Variants in TLCD3B observed in about 807,000 individuals in gnomAD.
The protein encoded by TLCD3B is ceramide synthase.
TLCD3B carries 9 observed loss-of-function variants against 23.0 expected under a neutral mutation model. The ratio of observed to expected loss-of-function variants is 0.39; its 90% CI spans 0.24 to 0.68. The LOEUF (loss-of-function observed/expected upper bound fraction) is 0.68, where lower values mean the gene tolerates loss of function less well. Among genes scored for constraint, TLCD3B ranks in the 30% least tolerant of loss-of-function variants. The pLI, the probability that TLCD3B is intolerant of heterozygous loss-of-function variation, is 0.44. For missense variants in TLCD3B, 307 were observed against 371.8 expected (o/e 0.83, Z 1.43); for synonymous variants, 161 against 161.0 (o/e 1.00, Z 0.00).
chr16:30,024,980 G>T lies in TLCD3B; in HGVS notation c.*203C>A. The T allele has an allele frequency of 2.0e-6, 1 of 510,406 alleles. No individual in the cohort carries two copies. The highest frequency in any genetic ancestry group is 3.8e-5 in the Admixed American group (1 of 26,320). 31.6% of individuals were successfully genotyped at this position (510,406 alleles called of 1,614,324 possible). Reference sequence around the variant, plus strand: ...CCTCCTCCAGCGCAAGGGTGTGCAGGAAGGGGGCAGAGTAGGGGGAAGAGG... The same window carrying T: ...CCTCCTCCAGCGCAAGGGTGTGCAGTAAGGGGGCAGAGTAGGGGGAAGAGG... On this transcript the variant is annotated 3_prime_UTR_variant, in exon 5 of 5. Coordinates refer to ENST00000380495, the MANE Select transcript of TLCD3B (RefSeq NM_031478.6).
At chr16:30,047,186 T>C (rs576781599) in intron 1 of TLCD3B, among the ~76,000 whole-genome samples, 1 of 152,150 alleles carries the variant, frequency 6.6e-6, no homozygotes, top group South Asian at 2.1e-4. Flanking sequence ...TCTATCTATC[T>C]ATCTATCTAG....
At position 30,026,669 on chromosome 16, in the gene TLCD3B, C is replaced by G. The variant is rs1384479493; in HGVS notation, c.384G>C (p.Lys128Asn). The change falls in exon 3 of 5, where the codon AAG becomes AAC. Residue 128 changes from lysine to asparagine, a missense_variant. Coordinates refer to ENST00000380495, the MANE Select transcript of TLCD3B (RefSeq NM_031478.6). ...CATGGTGGAGCACCATGAGGAACTCCTTGTGCAGGTAGCCACGCGCTATGG... is the reference window on the plus strand; with the variant it reads ...CATGGTGGAGCACCATGAGGAACTCGTTGTGCAGGTAGCCACGCGCTATGG... The part of the protein sequence containing the change: ...TWAIARGYLH[K>N]EFLMVLHHAA... 1 of 1,613,922 alleles carries G rather than the reference C, an allele frequency of 6.2e-7. No individual in the cohort carries two copies. The highest frequency in any genetic ancestry group is 1.3e-5 in the African/African-American group (1 of 75,032).
At chr16:30,042,125 A>C (rs1486706656) in intron 2 of TLCD3B, among the ~76,000 whole-genome samples, 1 of 152,204 alleles carries the variant, frequency 6.6e-6, no homozygotes, top group African/African-American at 2.4e-5. Flanking sequence ...TCCATATTAA[A>C]AAGAGTAAGT....
intron 1 of TLCD3B, among the ~76,000 whole-genome samples, chr16:30,052,172 A>G (rs1180299057): frequency 6.6e-6 from 1 of 152,076 alleles, no homozygotes; most frequent in Non-Finnish European, 1.5e-5. Context: ...GTTCGAGACC[A>G]GCCTGGCCAA....
chr16:30,040,133 C>CAAAAAAAAAAA (rs1205462051), intron 3 of TLCD3B, among the ~76,000 whole-genome samples: 3 of 84,848 alleles, frequency 3.5e-5, no homozygotes, highest in African/African-American at 1.6e-4. Context: ...GACTTTGTCT[C>CAAAAAAAAAAA]AAAAAAAAAA....
intron 2 of TLCD3B, among the ~76,000 whole-genome samples, chr16:30,043,592 A>C (rs1204472831): frequency 6.6e-6 from 1 of 150,998 alleles, no homozygotes; most frequent in Non-Finnish European, 1.5e-5. Flanking sequence ...TGGCTTGCTC[A>C]AGGTCATGCA....
intron 3 of TLCD3B, among the ~76,000 whole-genome samples, chr16:30,037,664 G>A (rs1385430817): frequency 6.6e-6 from 1 of 152,080 alleles, no homozygotes; most frequent in Non-Finnish European, 1.5e-5. Context: ...TTGATCCCAG[G>A]AGTTCAAGGC....
intron 2 of TLCD3B, among the ~76,000 whole-genome samples, chr16:30,044,053 G>C (rs2071618112): frequency 6.7e-6 from 1 of 148,994 alleles, no homozygotes; most frequent in Non-Finnish European, 1.5e-5. Context: ...CTAAAGTGCA[G>C]TGGTGCGATC....
At chr16:30,031,511 C>T (rs1294469952), upstream of TLCD3B, among the ~76,000 whole-genome samples, 2 of 152,226 alleles carry the variant, frequency 1.3e-5, no homozygotes, top group Admixed American at 1.3e-4. Context: ...CTGGCATCTC[C>T]TCCCTCACCA....
chr16:30,025,593 C>T lies in TLCD3B; in HGVS notation c.541-126G>A, dbSNP rs1451061921. The T allele has an allele frequency of 3.4e-6, 5 of 1,492,112 alleles. No individual in the cohort carries two copies. Among genetic ancestry groups the T allele is most frequent in the Non-Finnish European group, 3.7e-6 (4 of 1,073,110 alleles). 92.4% of individuals were successfully genotyped at this position (1,492,112 alleles called of 1,614,324 possible). On this transcript the variant is annotated intron_variant, in intron 4 of 4. Coordinates refer to ENST00000380495, the MANE Select transcript of TLCD3B (RefSeq NM_031478.6). This position sits in a 1 kb window ranked among gnomAD's most constrained non-coding sequence, Gnocchi z 4.1. Reference sequence around the variant, plus strand: ...ACCAGACACTTTGCCAGGACACAAGCACCAGGTGCTCAAAATGCACGGGGT... The same window carrying T: ...ACCAGACACTTTGCCAGGACACAAGTACCAGGTGCTCAAAATGCACGGGGT...
chr16:30,038,831 C>T (rs1417267348), intron 3 of TLCD3B, among the ~76,000 whole-genome samples: 1 of 152,066 alleles, frequency 6.6e-6, no homozygotes, highest in Non-Finnish European at 1.5e-5. Flanking sequence ...ATTATTACTG[C>T]ACCTCTGTTT....
chr16:30,032,968 A>C (rs904663511), upstream of TLCD3B: 2 of 152,190 alleles, frequency 1.3e-5, no homozygotes, highest in Non-Finnish European at 2.9e-5. Flanking sequence ...TTTCAAACCC[A>C]TGGTTGCAGC....
intron 1 of TLCD3B, among the ~76,000 whole-genome samples, chr16:30,047,763 ATT>A (rs538919957): frequency 2.8e-5 from 4 of 145,044 alleles, no homozygotes; most frequent in Admixed American, 1.4e-4. Context: ...GTGGCCTATA[ATT>A]TTTTTTTTTT....
Position 30,029,526 on chromosome 16 carries a change from G to A in TLCD3B, c.126-11C>T. The stretch of plus-strand genomic sequence containing the variant: ...ACAGAGGACACCAGCCTGGGGGAGA[G>A]AGGGAGGCGTGCTAGAAAGGCAGAA... On this transcript the variant is annotated splice_polypyrimidine_tract_variant and intron_variant, in intron 1 of 4. Transcript: ENST00000380495. The surrounding 1 kb of genome is among the most constrained non-coding windows in gnomAD (Gnocchi z 4.6). 2 of 1,611,338 alleles carry A rather than the reference G, an allele frequency of 1.2e-6. No individual in the cohort carries two copies. Among genetic ancestry groups the A allele is most frequent in the Non-Finnish European group, 8.5e-7 (1 of 1,177,884 alleles).
At chr16:30,051,547 AAAG>A (rs1336856400) in intron 1 of TLCD3B, among the ~76,000 whole-genome samples, 3 of 151,186 alleles carry the variant, frequency 2.0e-5, no homozygotes, top group Non-Finnish European at 4.4e-5. Flanking sequence ...AAAGAAAAGA[AAAG>A]AAAAAAGAAA....
At chr16:30,039,616 A>AT (rs1163300843) in intron 3 of TLCD3B, among the ~76,000 whole-genome samples, 8 of 151,774 alleles carry the variant, frequency 5.3e-5, no homozygotes, top group Admixed American at 1.3e-4. Flanking sequence ...TTAAAAAAAA[A>AT]TTTTTAGCTA....
chr16:30,030,835 G>T lies in TLCD3B; in HGVS notation c.-308C>A. The T allele has an allele frequency of 9.2e-7, 1 of 1,085,526 alleles. No homozygotes were observed. The highest frequency in any genetic ancestry group is 4.0e-4 in the Middle Eastern group (1 of 2,522). 67.2% of individuals were successfully genotyped at this position (1,085,526 alleles called of 1,614,324 possible). Reference sequence around the variant, plus strand: ...GCTTGGTGAGGGACAGAGAGGAAGAGGGGACAGGAGGAGGAGGATGCGGAT... The same window carrying T: ...GCTTGGTGAGGGACAGAGAGGAAGATGGGACAGGAGGAGGAGGATGCGGAT... On this transcript the variant is annotated 5_prime_UTR_variant, in exon 1 of 5. Transcript: ENST00000380495.
intron 2 of TLCD3B, among the ~76,000 whole-genome samples, chr16:30,042,366 G>GTA (rs2071592090): frequency 6.6e-6 from 1 of 151,946 alleles, no homozygotes; most frequent in Non-Finnish European, 1.5e-5. Context: ...AGTCTCCCAA[G>GTA]GCGCCCACCA....
chr16:30,047,669 G>A (rs2071693441), intron 1 of TLCD3B, among the ~76,000 whole-genome samples: 1 of 151,864 alleles, frequency 6.6e-6, no homozygotes, highest in South Asian at 2.1e-4. Flanking sequence ...ATGTTGGCCA[G>A]GCTGGTCTCA....
Sources: gnomAD v4.1 joint callset for allele counts (sites outside exome capture counted in the v4.1 genomes callset) on GRCh38, gnomAD v4.1.1 for gene constraint, Gnocchi (gnomAD v3.1) non-coding constraint, MANE v1.5 for transcripts, NCBI Gene and HGNC (gene_info 2026-07-23, HGNC 2026-07-21) for gene names.